CTBP2: variants seen among roughly 807,000 people sequenced by gnomAD.
CTBP2 encodes the protein C-terminal binding protein 2, also known as C-terminal-binding protein 2.
Under a neutral mutation model 80.3 loss-of-function variants are expected in CTBP2, and 30 were observed. The observed-to-expected ratio is 0.37, with a 90% CI of 0.28 to 0.51. The LOEUF is 0.51. Among genes scored for constraint, CTBP2 ranks in the 20% least tolerant of loss-of-function variants. CTBP2 has a pLI of 0.93. For synonymous variants in CTBP2, 594 were observed against 587.4 expected (o/e 1.01, Z -0.16); for missense variants, 1,212 against 1,375.3 (o/e 0.88, Z 1.88).
At chr10:124,992,484 C>G (rs1952808541) in intron 8 of CTBP2, among the ~76,000 whole-genome samples, 1 of 152,098 alleles carries the variant, frequency 6.6e-6, no homozygotes, top group Non-Finnish European at 1.5e-5. Context: ...CGAACACACC[C>G]CCTTTTAAAA....
In CTBP2 at chr10:124,984,651, A is replaced by G. The variant is rs889152357; in HGVS notation, c.*4867T>C. ...ACTTCCAAGAGGTCAAAACCATGTG[A>G]AAAGTTGATTGCTTTGGCCTTTTCA... On this transcript the variant is annotated 3_prime_UTR_variant, in exon 9 of 9. Transcript: ENST00000309035. 13 of 962,856 alleles carry G rather than the reference A, an allele frequency of 1.4e-5. No homozygotes were observed. The highest frequency in any genetic ancestry group is 1.7e-5 in the Non-Finnish European group (11 of 657,018). The allele number at this position is 962,856 out of a possible 1,614,324, so 59.6% of individuals were successfully genotyped here.
At chr10:125,125,519 C>T (rs1855085445) in intron 1 of CTBP2, among the ~76,000 whole-genome samples, 1 of 152,112 alleles carries the variant, frequency 6.6e-6, no homozygotes, top group Non-Finnish European at 1.5e-5. Context: ...AGCAAACATC[C>T]CCGCTGGAAC....
intron 2 of CTBP2, among the ~76,000 whole-genome samples, chr10:125,085,111 G>A (rs1361549610): frequency 1.3e-5 from 2 of 152,098 alleles, no homozygotes; most frequent in Non-Finnish European, 2.9e-5. Flanking sequence ...CAACCCTCAC[G>A]TCACCACCCA....
chr10:125,126,932 C>T (rs1179071166), intron 1 of CTBP2, among the ~76,000 whole-genome samples: 1 of 151,744 alleles, frequency 6.6e-6, no homozygotes, highest in Non-Finnish European at 1.5e-5. Context: ...CATTCTCTCT[C>T]TCTCTCTCTC....
At chr10:125,088,752 A>C (rs1235108111) in intron 2 of CTBP2, among the ~76,000 whole-genome samples, 1 of 152,154 alleles carries the variant, frequency 6.6e-6, no homozygotes, top group Non-Finnish European at 1.5e-5. Flanking sequence ...GGGCATACAA[A>C]AAGAGGGCGA....
At chr10:125,107,856 A>T (rs1851691021) in intron 2 of CTBP2, among the ~76,000 whole-genome samples, 1 of 152,248 alleles carries the variant, frequency 6.6e-6, no homozygotes. Flanking sequence ...CACAGCTGCA[A>T]CTATTCTACC....
chr10:125,113,339 T>G (rs1038084882), intron 1 of CTBP2, among the ~76,000 whole-genome samples: 2 of 152,250 alleles, frequency 1.3e-5, no homozygotes, highest in Non-Finnish European at 1.5e-5. Flanking sequence ...TCTTCCCTAC[T>G]CTAGCTGGCA....
chr10:124,990,696 A>C (rs952423869), intron 8 of CTBP2, among the ~76,000 whole-genome samples: 3 of 152,188 alleles, frequency 2.0e-5, no homozygotes, highest in Admixed American at 6.5e-5. Flanking sequence ...CCCACACCTT[A>C]AAGGTGATGA....
intron 2 of CTBP2, among the ~76,000 whole-genome samples, chr10:125,072,957 A>G (rs1011326828): frequency 1.1e-4 from 16 of 152,226 alleles, no homozygotes; most frequent in African/African-American, 3.4e-4. Context: ...CATTTAAGTC[A>G]TTACTAACGG....
rs769395684 is a variant in CTBP2 at position 125,027,658 on chromosome 10, A to T, written c.102T>A (p.Pro34=). ...ACGTCAGGGAGCTTCTCCTCCCCAG[A>T]GGCCGCAGGGACTCGGCGTTCTCCC... The change falls in exon 1 of 9, where the codon CCT becomes CCA. Residue 34 remains proline, a synonymous_variant. Coordinates refer to ENST00000309035, the MANE Select transcript of CTBP2 (RefSeq NM_022802.3). 7 of 1,614,050 alleles carry T rather than the reference A, an allele frequency of 4.3e-6. No homozygotes were observed. The South Asian group carries it at 6.6e-5, about 15-fold the overall frequency.
At chr10:125,146,964 CA>C (rs1451887725) in intron 1 of CTBP2, among the ~76,000 whole-genome samples, 2 of 152,172 alleles carry the variant, frequency 1.3e-5, no homozygotes, top group Non-Finnish European at 2.9e-5. Flanking sequence ...AACATCACAG[CA>C]GATCTGCCAC....
chr10:125,123,534 T>C (rs2136056780), intron 1 of CTBP2, among the ~76,000 whole-genome samples: 1 of 152,356 alleles, frequency 6.6e-6, no homozygotes, highest in East Asian at 1.9e-4. Flanking sequence ...TTTGTCATTT[T>C]TTGGTTTATG....
intron 2 of CTBP2, among the ~76,000 whole-genome samples, chr10:125,075,095 A>G (rs1201147555): frequency 6.6e-6 from 1 of 152,378 alleles, no homozygotes; most frequent in Non-Finnish European, 1.5e-5. Context: ...ACACAAATGC[A>G]TCAACCATAA....
intron 1 of CTBP2, among the ~76,000 whole-genome samples, chr10:125,144,845 AT>A (rs1858459916): frequency 6.6e-6 from 1 of 152,174 alleles, no homozygotes; most frequent in African/African-American, 2.4e-5. Context: ...TGCAAAACCA[AT>A]TTCTTTTCTA....
intron 2 of CTBP2, among the ~76,000 whole-genome samples, chr10:125,077,945 G>A (rs1350800419): frequency 6.6e-6 from 1 of 152,178 alleles, no homozygotes; most frequent in Admixed American, 6.5e-5. Flanking sequence ...CTGATGGGGG[G>A]AGGTGGGGGC....
chr10:125,068,763 A>G (rs998165421), intron 2 of CTBP2, among the ~76,000 whole-genome samples: 1 of 152,152 alleles, frequency 6.6e-6, no homozygotes, highest in Admixed American at 6.5e-5. Context: ...CAGGCCCTGG[A>G]AGGTGGGAGT....
chr10:125,157,315 A>ATAT (rs1861095640), intron 1 of CTBP2, among the ~76,000 whole-genome samples: 1 of 151,074 alleles, frequency 6.6e-6, no homozygotes, highest in South Asian at 2.1e-4. Context: ...CGAAACCGTA[A>ATAT]ATAACTCACA....
chr10:125,016,594 T>C (rs1265268458), intron 1 of CTBP2, among the ~76,000 whole-genome samples: 1 of 152,260 alleles, frequency 6.6e-6, no homozygotes, highest in East Asian at 1.9e-4. Flanking sequence ...AGAAGCCTCA[T>C]GCTTGCAGCA....
At chr10:124,995,535 A>G (rs940700199) in intron 4 of CTBP2, among the ~76,000 whole-genome samples, 2 of 152,220 alleles carry the variant, frequency 1.3e-5, no homozygotes, top group African/African-American at 4.8e-5. Flanking sequence ...CAGGAGAAGG[A>G]CAAAGATGCG....
Sources: allele counts gnomAD v4.1 joint callset (sites outside exome capture counted in the v4.1 genomes callset), GRCh38; gene constraint gnomAD v4.1.1; transcripts MANE v1.5; gene names NCBI Gene and HGNC (gene_info 2026-07-23, HGNC 2026-07-21).